HYAL4: variants seen among roughly 807,000 people sequenced by gnomAD.
HYAL4 encodes hyaluronidase 4.
Under a neutral mutation model 35.2 loss-of-function variants are expected in HYAL4, and 37 were observed. The observed-to-expected ratio is 1.05, with a 90% CI of 0.81 to 1.38. HYAL4 has a LOEUF of 1.38. Ranked by LOEUF, HYAL4 falls within the 40% of genes most tolerant of loss-of-function variation. The probability of loss-of-function intolerance (pLI) is 0.00; values close to 1 mark genes in which losing one functional copy is unlikely to be tolerated. For missense variants in HYAL4, 572 were observed against 572.4 expected, an observed-to-expected ratio of 1.00 and a Z score of 0.01; for synonymous variants, 198 against 203.2, an observed-to-expected ratio of 0.97 and a Z score of 0.22.
chr7:123,868,062 G>A (rs1806732952), intron 2 of HYAL4, among the ~76,000 whole-genome samples, 161 bp from the exon 3 acceptor site: 1 of 152,054 alleles, frequency 6.6e-6, no homozygotes, highest in Admixed American at 6.6e-5. Context: ...ATAGAAGCTA[G>A]GTCTCTACAT....
chr7:123,766,864 A>G, the HYAL4 span, among the ~76,000 whole-genome samples: 4 of 152,224 alleles, frequency 2.6e-5, no homozygotes. Flanking sequence ...AACGTGATAT[A>G]CAATCACATT....
chr7:123,869,376 A>G lies in HYAL4; in HGVS notation c.954+149A>G, dbSNP rs1806803992. 4.9e-6 allele frequency: 3 copies of G among 609,162 alleles called. No individual in the cohort carries two copies. In the African/African-American group the frequency reaches 5.6e-5, roughly 11 times the overall value. The allele number at this position is 609,162 out of a possible 1,614,324, so 37.7% of individuals were successfully genotyped here. The stretch of plus-strand genomic sequence containing the variant: ...CTTCCTTGACTAGTCATGCATTTAG[A>G]CTCTTCATTTATGGAAACTGAATTT... On this transcript the variant is annotated intron_variant, in intron 3 of 4. Transcript: ENST00000223026.
rs117524426 is a variant in HYAL4, at chr7:123,830,398, A to G, written c.-257+1274A>G. Among the ~76,000 whole-genome samples the G allele has an allele frequency of 4.2e-3, 647 of 152,320 alleles. 2 individuals are homozygous for G. Among genetic ancestry groups the G allele is most frequent in the Non-Finnish European group, 5.4e-3 (367 of 68,030 alleles). On this transcript the variant is annotated intron_variant, in intron 1 of 4. Transcript: ENST00000489978. Reference sequence around the variant, plus strand: ...ACCACAAATCACTTTAGCAAATAAAACCTATCTTCTAAGATGAGAGGTAAT... The same window carrying G: ...ACCACAAATCACTTTAGCAAATAAAGCCTATCTTCTAAGATGAGAGGTAAT...
At chr7:123,817,994 C>T in the HYAL4 span, among the ~76,000 whole-genome samples, 5 of 152,070 alleles carry the variant, frequency 3.3e-5, no homozygotes, top group African/African-American at 1.2e-4. Context: ...TCTCCTGCCT[C>T]AGCCTCCCGA....
At chr7:123,844,095 T>G (rs1806125131), upstream of HYAL4, 1 of 152,078 alleles carries the variant, frequency 6.6e-6, no homozygotes, top group African/African-American at 2.4e-5. Flanking sequence ...TTTTAGAATT[T>G]TCAGCTTTTC....
chr7:123,810,561 G>A, the HYAL4 span, among the ~76,000 whole-genome samples: 233 of 152,270 alleles, frequency 1.5e-3, no homozygotes, highest in African/African-American at 5.3e-3. Context: ...AAAGTAGAGA[G>A]ACTTGTTGTA....
intron 2 of HYAL4, among the ~76,000 whole-genome samples, chr7:123,848,807 G>T (rs965428117): frequency 6.6e-6 from 1 of 152,172 alleles, no homozygotes; most frequent in Non-Finnish European, 1.5e-5. Context: ...AATAAGTATT[G>T]CAGATTTTAG....
chr7:123,778,151 G>GTCTA, the HYAL4 span, among the ~76,000 whole-genome samples: 7 of 124,116 alleles, frequency 5.6e-5, no homozygotes, highest in Non-Finnish European at 1.2e-4. Context: ...CTTTCTATCT[G>GTCTA]TCTGTCTGTC....
intron 2 of HYAL4, among the ~76,000 whole-genome samples, chr7:123,853,042 A>G (rs946814932): frequency 3.9e-5 from 6 of 152,022 alleles, no homozygotes; most frequent in Admixed American, 6.6e-5. Flanking sequence ...CCGTTGGTCT[A>G]TCATTGGTGT....
At chr7:123,796,191 C>T in the HYAL4 span, among the ~76,000 whole-genome samples, 1 of 152,126 alleles carries the variant, frequency 6.6e-6, no homozygotes, top group Non-Finnish European at 1.5e-5. Context: ...AGCAACAATT[C>T]AAACACAGAA....
chr7:123,805,272 C>T, the HYAL4 span, among the ~76,000 whole-genome samples: 2 of 152,158 alleles, frequency 1.3e-5, no homozygotes, highest in African/African-American at 4.8e-5. Context: ...CTGTTCAACC[C>T]TCCTATTATT....
chr7:123,780,115 A>G, the HYAL4 span, among the ~76,000 whole-genome samples: 1 of 152,188 alleles, frequency 6.6e-6, no homozygotes, highest in South Asian at 2.1e-4. Context: ...CAGTAATAAT[A>G]ATAGAAATAC....
chr7:123,820,322 C>T, the HYAL4 span, among the ~76,000 whole-genome samples: 3 of 151,952 alleles, frequency 2.0e-5, no homozygotes, highest in Non-Finnish European at 4.4e-5. Flanking sequence ...CGCCTGTAAT[C>T]CCTGTAATCC....
the HYAL4 span, chr7:123,815,045 C>T: frequency 6.6e-6 from 1 of 152,504 alleles, no homozygotes; most frequent in African/African-American, 2.4e-5. Context: ...AGGAAAAGCA[C>T]AGTCACTCAC....
the HYAL4 span, among the ~76,000 whole-genome samples, chr7:123,812,568 A>G: frequency 6.6e-6 from 1 of 152,196 alleles, no homozygotes; most frequent in African/African-American, 2.4e-5. Context: ...CTAGAAGAGG[A>G]AATTTGTAAC....
intron 1 of HYAL4, among the ~76,000 whole-genome samples, chr7:123,837,017 C>G (rs1805975510): frequency 6.6e-6 from 1 of 151,154 alleles, no homozygotes; most frequent in Non-Finnish European, 1.5e-5. Flanking sequence ...GAGACTACAT[C>G]TCAAAAACAA....
chr7:123,859,126 G>A (rs986178580), intron 2 of HYAL4, among the ~76,000 whole-genome samples: 2 of 152,148 alleles, frequency 1.3e-5, no homozygotes, highest in African/African-American at 4.8e-5. Context: ...GTTATCTGAT[G>A]CTGAAGAAGT....
upstream of HYAL4, among the ~76,000 whole-genome samples, chr7:123,827,173 T>G (rs1310015227): frequency 1.3e-5 from 2 of 152,042 alleles, no homozygotes; most frequent in African/African-American, 4.8e-5. Flanking sequence ...AGAAGAGGTC[T>G]AAGATTTAAG....
the HYAL4 span, among the ~76,000 whole-genome samples, chr7:123,821,510 T>C: frequency 6.6e-6 from 1 of 152,186 alleles, no homozygotes; most frequent in South Asian, 2.1e-4. Flanking sequence ...TATATATTTT[T>C]TGCTGAGTCA....
Sources: gnomAD v4.1 joint callset for allele counts (sites outside exome capture counted in the v4.1 genomes callset) on GRCh38, gnomAD v4.1.1 for gene constraint, MANE v1.5 for transcripts, NCBI Gene and HGNC (gene_info 2026-07-23, HGNC 2026-07-21) for gene names.